MEMO1: variants seen among roughly 807,000 people sequenced by gnomAD.
MEMO1 encodes protein MEMO1.
A neutral mutation model predicts 45.2 loss-of-function variants in MEMO1; 6 were observed. That is an observed-to-expected ratio of 0.13 (90% CI 0.07 to 0.26). MEMO1 has a LOEUF of 0.26. Among genes scored for constraint, MEMO1 ranks in the 10% least tolerant of loss-of-function variants. The pLI, the probability that MEMO1 is intolerant of heterozygous loss-of-function variation, is 1.00. For synonymous variants in MEMO1, 78 were observed against 124.3 expected (o/e 0.63, Z 2.48); for missense variants, 184 against 370.5 (o/e 0.50, Z 4.13).
At chr2:31,970,116 C>A (rs923317604) in intron 2 of MEMO1, among the ~76,000 whole-genome samples, 8 of 152,026 alleles carry the variant, frequency 5.3e-5, no homozygotes, top group Non-Finnish European at 1.0e-4. Context: ...GGATTACAGG[C>A]ATGCACCATC....
chr2:31,921,218 C>A (rs948130913), intron 4 of MEMO1, among the ~76,000 whole-genome samples: 1 of 152,100 alleles, frequency 6.6e-6, no homozygotes, highest in African/African-American at 2.4e-5. Flanking sequence ...CAGAAGTATG[C>A]CTGCACAGAG....
chr2:31,923,950 T>G (rs1682706444), intron 4 of MEMO1, among the ~76,000 whole-genome samples: 1 of 152,078 alleles, frequency 6.6e-6, no homozygotes, highest in Admixed American at 6.6e-5. Context: ...CCAATCTAGA[T>G]GAAGGAAAAA....
chr2:31,992,362 G>A lies in MEMO1; in HGVS notation c.61+17825C>T, dbSNP rs60619610. Among the ~76,000 whole-genome samples the A allele has an allele frequency of 5.3e-3, 804 of 152,282 alleles. 5 individuals are homozygous for A. The highest frequency in any genetic ancestry group is 0.018 in the African/African-American group (751 of 41,566). ...AGGCACAGATCATATGGCCCACAAAGCCTAAAATATTCACTATCTGATCCT... is the reference window on the plus strand; with the variant it reads ...AGGCACAGATCATATGGCCCACAAAACCTAAAATATTCACTATCTGATCCT... On this transcript the variant is annotated intron_variant, in intron 2 of 9. Coordinates refer to ENST00000404530, the MANE Select transcript of MEMO1 (RefSeq NM_001301833.4).
intron 2 of MEMO1, among the ~76,000 whole-genome samples, chr2:31,963,824 G>A (rs1668299682): frequency 6.6e-6 from 1 of 152,142 alleles, no homozygotes; most frequent in African/African-American, 2.4e-5. Flanking sequence ...GGAGTCACTA[G>A]CCACATACTG....
At chr2:31,880,891 G>T (rs1675257647) in intron 8 of MEMO1, among the ~76,000 whole-genome samples, 1 of 152,080 alleles carries the variant, frequency 6.6e-6, no homozygotes, top group African/African-American at 2.4e-5. Flanking sequence ...GGGCGTGGTG[G>T]TAAATGTCTA....
chr2:32,002,502 T>C (rs887378417), intron 2 of MEMO1, among the ~76,000 whole-genome samples: 1 of 151,832 alleles, frequency 6.6e-6, no homozygotes, highest in Non-Finnish European at 1.5e-5. Flanking sequence ...TAGGATAAAG[T>C]AAGTTCAGTG....
At chr2:31,981,685 GACTTA>G (rs1467565817) in intron 2 of MEMO1, among the ~76,000 whole-genome samples, 1 of 152,126 alleles carries the variant, frequency 6.6e-6, no homozygotes, top group African/African-American at 2.4e-5. Flanking sequence ...AAAAATTCAA[GACTTA>G]ACTTCACTCA....
At chr2:31,874,487 T>C (rs1572532774) in intron 8 of MEMO1, among the ~76,000 whole-genome samples, 1 of 152,124 alleles carries the variant, frequency 6.6e-6, no homozygotes, top group African/African-American at 2.4e-5. Flanking sequence ...ATTCAAGTGC[T>C]AGAAATATAA....
intron 2 of MEMO1, among the ~76,000 whole-genome samples, chr2:31,954,888 C>T (rs1667236385): frequency 6.6e-6 from 1 of 150,790 alleles, no homozygotes; most frequent in Non-Finnish European, 1.5e-5. Flanking sequence ...TGTGCCACTA[C>T]AATCTCTGGA....
chr2:31,993,402 TAAAC>T (rs1327967679), intron 2 of MEMO1, among the ~76,000 whole-genome samples: 2 of 152,058 alleles, frequency 1.3e-5, no homozygotes, highest in Admixed American at 6.6e-5. Context: ...GAAAAGGAAA[TAAAC>T]AAAATGAGAT....
intron 6 of MEMO1, among the ~76,000 whole-genome samples, chr2:31,902,518 G>A (rs1679015060): frequency 6.6e-6 from 1 of 152,006 alleles, no homozygotes; most frequent in Non-Finnish European, 1.5e-5. Context: ...CTCACAAGCT[G>A]CTACCTACAG....
chr2:31,966,729 T>C (rs1318956963), intron 2 of MEMO1, among the ~76,000 whole-genome samples: 2 of 48,618 alleles, frequency 4.1e-5, no homozygotes, highest in African/African-American at 1.1e-4. Context: ...CAAGACTCTG[T>C]CTCAAAAAAA....
intron 6 of MEMO1, among the ~76,000 whole-genome samples, chr2:31,899,737 G>A (rs1678486591): frequency 6.6e-6 from 1 of 152,168 alleles, no homozygotes; most frequent in Non-Finnish European, 1.5e-5. Flanking sequence ...TACCATCAGA[G>A]TGAACAGGCA....
chr2:31,935,317 G>T (rs1166803417), intron 3 of MEMO1, among the ~76,000 whole-genome samples: 1 of 152,130 alleles, frequency 6.6e-6, no homozygotes, highest in Non-Finnish European at 1.5e-5. Flanking sequence ...CTGAAAACGA[G>T]AATTCTTACA....
At chr2:31,912,605 AATC>A (rs1394145752) in intron 6 of MEMO1, among the ~76,000 whole-genome samples, 1 of 152,024 alleles carries the variant, frequency 6.6e-6, no homozygotes, top group Non-Finnish European at 1.5e-5. Context: ...AAAAGAAAGT[AATC>A]ATAAGAAAAA....
At chr2:31,994,378 C>A (rs569265464) in intron 2 of MEMO1, among the ~76,000 whole-genome samples, 2 of 151,644 alleles carry the variant, frequency 1.3e-5, no homozygotes, top group East Asian at 3.9e-4. Context: ...ACCTGTAATC[C>A]CAGCACTTTG....
chr2:31,897,428 CG>C (rs1369554781), intron 6 of MEMO1, among the ~76,000 whole-genome samples: 4 of 152,014 alleles, frequency 2.6e-5, no homozygotes, highest in African/African-American at 9.7e-5. Flanking sequence ...TAGCATGAAG[CG>C]GTATTGAATT....
chr2:32,002,447 C>T (rs1673524595), intron 2 of MEMO1, among the ~76,000 whole-genome samples: 2 of 149,910 alleles, frequency 1.3e-5, no homozygotes, highest in African/African-American at 5.0e-5. Context: ...ACATAATATA[C>T]ATATATGAGT....
rs41280627 is a variant in MEMO1 at position 31,943,393 on chromosome 2, G to A, written c.62-10C>T. Reference sequence around the variant, plus strand: ...GCATTCAGCTGCGGTCCTATAAAAAGACAAAGACAAAATTAGAGTCAGCAA... The same window carrying A: ...GCATTCAGCTGCGGTCCTATAAAAAAACAAAGACAAAATTAGAGTCAGCAA... On this transcript the variant is annotated splice_polypyrimidine_tract_variant and intron_variant, in intron 2 of 9. Coordinates refer to ENST00000404530, the MANE Select transcript of MEMO1 (RefSeq NM_001301833.4). The A allele has an allele frequency of 1.2e-6, 2 of 1,604,880 alleles. No homozygotes were observed. The highest frequency in any genetic ancestry group is 1.7e-5 in the Admixed American group (1 of 59,986).
Sources: gnomAD v4.1 joint callset for allele counts (sites outside exome capture counted in the v4.1 genomes callset) on GRCh38, gnomAD v4.1.1 for gene constraint, MANE v1.5 for transcripts, NCBI Gene and HGNC (gene_info 2026-07-23, HGNC 2026-07-21) for gene names.